The following GAB2 variants were observed in gnomAD, a reference collection of about 807,000 sequenced individuals.
GAB2 encodes GRB2-associated-binding protein 2.
A neutral mutation model predicts 65.5 loss-of-function variants in GAB2; 26 were observed. That is an observed-to-expected ratio of 0.40 (90% CI 0.29 to 0.55). GAB2 has a LOEUF of 0.55. Among genes scored for constraint, GAB2 ranks in the 20% least tolerant of loss-of-function variants. The pLI, the probability that GAB2 is intolerant of heterozygous loss-of-function variation, is 0.53. For synonymous variants in GAB2, 321 were observed against 329.6 expected (o/e 0.97, Z 0.28); for missense variants, 884 against 875.8 (o/e 1.01, Z -0.12).
At chr11:78,268,211 G>A (rs1051194828) in intron 2 of GAB2, among the ~76,000 whole-genome samples, 1 of 152,140 alleles carries the variant, frequency 6.6e-6, no homozygotes, top group Non-Finnish European at 1.5e-5. Context: ...AAAAAGCAAT[G>A]CTTTAAAAAA....
At chr11:78,331,487 T>C (rs10899472) in intron 1 of GAB2, among the ~76,000 whole-genome samples, 34,295 of 152,006 alleles carry the variant, frequency 0.23, 4,215 homozygotes, top group East Asian at 0.41. Context: ...CCTCCTGATC[T>C]GCCTGCCTTG....
At chr11:78,323,163 T>A (rs1045339633) in intron 1 of GAB2, among the ~76,000 whole-genome samples, 1 of 152,172 alleles carries the variant, frequency 6.6e-6, no homozygotes, top group South Asian at 2.1e-4. Context: ...TCACATACTT[T>A]GCAGCAGCAT....
At chr11:78,318,717 C>T (rs373305429) in intron 1 of GAB2, among the ~76,000 whole-genome samples, 19 of 152,114 alleles carry the variant, frequency 1.2e-4, no homozygotes, top group Admixed American at 2.6e-4. Context: ...CGGTTTCTGA[C>T]GAATTCTGAA....
At chr11:78,409,655 A>G (rs1029717815) in intron 1 of GAB2, among the ~76,000 whole-genome samples, 9 of 152,192 alleles carry the variant, frequency 5.9e-5, no homozygotes, top group African/African-American at 1.9e-4. Context: ...AAACAGAAAT[A>G]TTCACAATTA....
At chr11:78,294,218 T>C (rs12416780) in intron 1 of GAB2, among the ~76,000 whole-genome samples, 2,371 of 152,308 alleles carry the variant, frequency 0.016, 75 homozygotes, top group Admixed American at 0.068. Context: ...GGTTTCCAGC[T>C]TCATCCATGT....
chr11:78,328,638 A>G (rs1181945416), intron 1 of GAB2, among the ~76,000 whole-genome samples: 2 of 152,214 alleles, frequency 1.3e-5, no homozygotes, highest in Non-Finnish European at 2.9e-5. Context: ...ATGGATCTCA[A>G]AAAGTATTAT....
In GAB2 at chr11:78,247,143, G is replaced by C. The variant is rs1865321957; in HGVS notation, c.620+3014C>G. ...CTACTTTGTGATGGGGCCCAACCTG[G>C]AGGCAAATGCATGAAAGACAAAAAG... On this transcript the variant is annotated intron_variant, in intron 3 of 9. Transcript: ENST00000361507. Among the ~76,000 whole-genome samples, 4 of 152,158 alleles carry C rather than the reference G, an allele frequency of 2.6e-5. No individual in the cohort carries two copies. The South Asian group carries it at 8.3e-4, about 32-fold the overall frequency.
intron 1 of GAB2, among the ~76,000 whole-genome samples, chr11:78,384,470 T>C (rs1591079069): frequency 6.6e-6 from 1 of 152,252 alleles, no homozygotes; most frequent in East Asian, 1.9e-4. Flanking sequence ...AAAAAGCACA[T>C]TTTGGAAATG....
At chr11:78,290,967 A>G (rs976492659) in intron 1 of GAB2, among the ~76,000 whole-genome samples, 1 of 152,184 alleles carries the variant, frequency 6.6e-6, no homozygotes, top group Non-Finnish European at 1.5e-5. Flanking sequence ...TTTACAGGTC[A>G]TATTTTCTCT....
chr11:78,398,688 CGT>C (rs544359671), intron 1 of GAB2, among the ~76,000 whole-genome samples: 73 of 152,148 alleles, frequency 4.8e-4, no homozygotes, highest in African/African-American at 1.7e-3. Flanking sequence ...AAAAAATGAG[CGT>C]GTGGCCAAAA....
intron 3 of GAB2, among the ~76,000 whole-genome samples, chr11:78,245,253 TTACTG>T (rs1327439517): frequency 1.3e-5 from 2 of 152,172 alleles, no homozygotes; most frequent in African/African-American, 4.8e-5. Flanking sequence ...TGAATGTACT[TTACTG>T]AACTGTGCAC....
At chr11:78,357,633 A>G (rs540150841) in intron 1 of GAB2, among the ~76,000 whole-genome samples, 1 of 152,346 alleles carries the variant, frequency 6.6e-6, no homozygotes, top group South Asian at 2.1e-4. Context: ...TCAAAAGAAG[A>G]TATTTATGCA....
chr11:78,282,598 T>G (rs933412258), intron 1 of GAB2, among the ~76,000 whole-genome samples: 2 of 152,084 alleles, frequency 1.3e-5, no homozygotes, highest in African/African-American at 4.8e-5. Flanking sequence ...TGTGAGCCAC[T>G]GTGTACGCCC....
Position 78,359,317 on chromosome 11 carries a change from AAAG to A in GAB2, c.75+58326_75+58328del, listed in dbSNP as rs1165200649. ...AATGAAATTGAATACCAAAGACAAA[AAAG>A]AAGACATTAAAAGAGAAACAAGAGA... is the stretch of plus-strand genomic sequence containing the variant. On this transcript the variant is annotated intron_variant, in intron 1 of 9. Coordinates refer to ENST00000361507, the MANE Select transcript of GAB2 (RefSeq NM_080491.3). Among the ~76,000 whole-genome samples the A allele has an allele frequency of 2.0e-5, 3 of 152,334 alleles. No individual in the cohort carries two copies. In the East Asian group the frequency reaches 5.8e-4, roughly 29 times the overall value.
chr11:78,365,844 G>A (rs761645837), intron 1 of GAB2, among the ~76,000 whole-genome samples: 4 of 152,230 alleles, frequency 2.6e-5, no homozygotes, highest in Non-Finnish European at 4.4e-5. Flanking sequence ...TCCAAATTCC[G>A]CAGTCCAGAA....
intron 1 of GAB2, among the ~76,000 whole-genome samples, chr11:78,284,039 CA>C (rs1446606380): frequency 2.0e-5 from 3 of 152,150 alleles, no homozygotes; most frequent in African/African-American, 7.2e-5. Context: ...TTAATGTGTT[CA>C]AAACTGAGGT....
At chr11:78,235,186 T>G (rs1242256809) in intron 3 of GAB2, among the ~76,000 whole-genome samples, 21 of 152,124 alleles carry the variant, frequency 1.4e-4, no homozygotes, top group Admixed American at 1.1e-3. Context: ...AGAGTCTCAC[T>G]CTGTCGCCCA....
chr11:78,347,918 T>A (rs537706590), intron 1 of GAB2, among the ~76,000 whole-genome samples: 22 of 152,304 alleles, frequency 1.4e-4, no homozygotes, highest in Admixed American at 1.4e-3. Flanking sequence ...TGTACAACTT[T>A]TGACTCCCCT....
At chr11:78,340,918 G>A (rs1856082721) in intron 1 of GAB2, among the ~76,000 whole-genome samples, 1 of 152,156 alleles carries the variant, frequency 6.6e-6, no homozygotes, top group Non-Finnish European at 1.5e-5. Flanking sequence ...TCAGCCGCAT[G>A]GAAGCAGGAA....
Sources: allele counts gnomAD v4.1 joint callset (sites outside exome capture counted in the v4.1 genomes callset), GRCh38; gene constraint gnomAD v4.1.1; transcripts MANE v1.5; gene names NCBI Gene and HGNC (gene_info 2026-07-23, HGNC 2026-07-21).